Variants in CRPPA observed in about 807,000 individuals in gnomAD.
CRPPA encodes the protein D-ribitol-5-phosphate cytidylyltransferase.
CRPPA carries 43 observed loss-of-function variants against 52.0 expected under a neutral mutation model. The ratio of observed to expected loss-of-function variants is 0.83; its 90% CI spans 0.65 to 1.07. The LOEUF (loss-of-function observed/expected upper bound fraction) is 1.07, where lower values mean the gene tolerates loss of function less well. Ranked by LOEUF, CRPPA falls within the 50% of genes least tolerant of loss-of-function variation. CRPPA has a pLI of 0.00. For missense variants in CRPPA, 629 were observed against 551.7 expected, an observed-to-expected ratio of 1.14 and a Z score of -1.40; for synonymous variants, 250 against 203.5, an observed-to-expected ratio of 1.23 and a Z score of -1.94.
chr7:16,130,573 C>T (rs1188789575), intron 9 of CRPPA, among the ~76,000 whole-genome samples: 1 of 152,194 alleles, frequency 6.6e-6, no homozygotes, highest in African/African-American at 2.4e-5. Flanking sequence ...CTGACTCCAC[C>T]CCTCCTTCTG....
chr7:16,212,974 A>C (rs1395204637), intron 9 of CRPPA, among the ~76,000 whole-genome samples: 1 of 152,250 alleles, frequency 6.6e-6, no homozygotes. Flanking sequence ...AAAACTGCTT[A>C]CAGCACTTTA....
chr7:16,178,728 G>C (rs1781352983), intron 9 of CRPPA, among the ~76,000 whole-genome samples: 1 of 151,968 alleles, frequency 6.6e-6, no homozygotes, highest in African/African-American at 2.4e-5. Flanking sequence ...AACATTCAAT[G>C]AATGTATAGA....
At chr7:16,318,992 T>C (rs1785202364) in intron 3 of CRPPA, among the ~76,000 whole-genome samples, 1 of 152,180 alleles carries the variant, frequency 6.6e-6, no homozygotes, top group African/African-American at 2.4e-5. Context: ...CAGAAGACTT[T>C]TGTCCTTCTT....
At chr7:16,222,187 G>A (rs1055103673) in intron 8 of CRPPA, among the ~76,000 whole-genome samples, 7 of 151,512 alleles carry the variant, frequency 4.6e-5, no homozygotes, top group Middle Eastern at 3.4e-3. Flanking sequence ...TCAGTAAACT[G>A]TTGCAAGAAC....
chr7:16,386,607 A>T (rs1787277072), intron 2 of CRPPA, among the ~76,000 whole-genome samples: 1 of 152,204 alleles, frequency 6.6e-6, no homozygotes, highest in Non-Finnish European at 1.5e-5. Flanking sequence ...AGCAAAAAGG[A>T]GGTGGATAGG....
chr7:16,290,580 AG>A (rs1445325191), intron 5 of CRPPA, among the ~76,000 whole-genome samples: 4 of 151,968 alleles, frequency 2.6e-5, no homozygotes, highest in African/African-American at 7.2e-5. Context: ...ATGGGAAAAC[AG>A]GACATCCACA....
chr7:16,318,713 G>C (rs1174514477), intron 3 of CRPPA, among the ~76,000 whole-genome samples: 3 of 152,080 alleles, frequency 2.0e-5, no homozygotes, highest in Non-Finnish European at 1.5e-5. Flanking sequence ...GCAAAAGAGG[G>C]CAAGTCCAAC....
chr7:16,116,310 T>C (rs1782369243), intron 9 of CRPPA, among the ~76,000 whole-genome samples: 1 of 152,070 alleles, frequency 6.6e-6, no homozygotes, highest in Non-Finnish European at 1.5e-5. Context: ...GAAATCTAAA[T>C]GAGGGACATT....
At chr7:16,305,289 GA>G (rs1302090366) in intron 4 of CRPPA, among the ~76,000 whole-genome samples, 6 of 151,956 alleles carry the variant, frequency 3.9e-5, no homozygotes, top group Non-Finnish European at 8.8e-5. Flanking sequence ...AGTTAACAGG[GA>G]AAAAAATGTG....
chr7:16,213,869 T>C (rs1021926261), intron 9 of CRPPA, among the ~76,000 whole-genome samples: 45 of 152,334 alleles, frequency 3.0e-4, no homozygotes, highest in African/African-American at 1.0e-3. Flanking sequence ...TATAGGATTA[T>C]TTTAGAAAGA....
chr7:16,244,869 A>G (rs776356256), intron 8 of CRPPA, among the ~76,000 whole-genome samples: 4 of 152,206 alleles, frequency 2.6e-5, no homozygotes, highest in African/African-American at 9.6e-5. Context: ...AATGCACTGA[A>G]TATCTGTGGA....
chr7:16,125,982 T>C (rs1193609366), intron 9 of CRPPA, among the ~76,000 whole-genome samples: 1 of 151,466 alleles, frequency 6.6e-6, no homozygotes, highest in East Asian at 1.9e-4. Flanking sequence ...TTCTATGATG[T>C]GACTAAGAAT....
At chr7:16,166,609 G>A (rs573414370) in intron 9 of CRPPA, among the ~76,000 whole-genome samples, 21 of 152,150 alleles carry the variant, frequency 1.4e-4, no homozygotes, top group African/African-American at 2.7e-4. Flanking sequence ...AGGCTATAAC[G>A]GAAGCACATT....
intron 2 of CRPPA, among the ~76,000 whole-genome samples, chr7:16,394,704 T>C (rs1787527300): frequency 6.6e-6 from 1 of 152,094 alleles, no homozygotes; most frequent in Non-Finnish European, 1.5e-5. Context: ...GATTGGTAAA[T>C]TCCACAAATT....
In CRPPA at chr7:16,089,472, C is replaced by T. The variant is rs370237461; in HGVS notation, c.*2223G>A. Reference sequence around the variant, plus strand: ...GCATACATATATGTGTATATATGTACGTACATATATACGGGTATATATGTA... The same window carrying T: ...GCATACATATATGTGTATATATGTATGTACATATATACGGGTATATATGTA... On this transcript the variant is annotated 3_prime_UTR_variant, in exon 10 of 10. Coordinates refer to ENST00000407010, the MANE Select transcript of CRPPA (RefSeq NM_001101426.4). 1.3e-4 allele frequency: 39 copies of T among 311,130 alleles called. 1 individual carries two copies. The highest frequency in any genetic ancestry group is 1.2e-3 in the Middle Eastern group (1 of 854). The allele number at this position is 311,130 out of a possible 1,614,324, so 19.3% of individuals were successfully genotyped here.
At chr7:16,239,802 C>T (rs1185935320) in intron 8 of CRPPA, among the ~76,000 whole-genome samples, 1 of 152,058 alleles carries the variant, frequency 6.6e-6, no homozygotes, top group Non-Finnish European at 1.5e-5. Context: ...AGTCATCTGA[C>T]CAACTTGACA....
At chr7:16,351,311 AG>A (rs1786145574) in intron 3 of CRPPA, among the ~76,000 whole-genome samples, 2 of 152,230 alleles carry the variant, frequency 1.3e-5, no homozygotes, top group African/African-American at 4.8e-5. Context: ...AAAACCCTAG[AG>A]GAAAACCTAG....
chr7:16,103,089 A>G (rs891286228), intron 9 of CRPPA, among the ~76,000 whole-genome samples: 20 of 152,232 alleles, frequency 1.3e-4, no homozygotes, highest in African/African-American at 4.8e-4. Flanking sequence ...GATAAAGAAA[A>G]TGTGGCACAT....
chr7:16,195,236 A>G (rs964134058), intron 9 of CRPPA, among the ~76,000 whole-genome samples: 5 of 152,168 alleles, frequency 3.3e-5, no homozygotes, highest in Non-Finnish European at 5.9e-5. Flanking sequence ...TATCCCACCA[A>G]GCCAATTCTG....
Sources: gnomAD v4.1 joint callset for allele counts (sites outside exome capture counted in the v4.1 genomes callset) on GRCh38, gnomAD v4.1.1 for gene constraint, MANE v1.5 for transcripts, NCBI Gene and HGNC (gene_info 2026-07-23, HGNC 2026-07-21) for gene names.